Variants in CCDC30 observed in about 807,000 individuals in gnomAD.
The protein encoded by CCDC30 is coiled-coil domain containing 30.
CCDC30 carries 70 observed loss-of-function variants against 100.2 expected under a neutral mutation model. The observed-to-expected ratio is 0.70, with a 90% CI of 0.58 to 0.85. CCDC30 has a LOEUF of 0.85. CCDC30 is among the 40% of genes least tolerant of loss of function. The pLI is 0.00. For missense variants in CCDC30, 652 were observed against 771.2 expected (o/e 0.85, Z 1.83); for synonymous variants, 233 against 269.5 (o/e 0.86, Z 1.33).
intron 1 of CCDC30, among the ~76,000 whole-genome samples, chr1:42,476,022 A>AT (rs1412369925): frequency 6.6e-6 from 1 of 152,244 alleles, no homozygotes; most frequent in Non-Finnish European, 1.5e-5. Flanking sequence ...TCAATCTCTC[A>AT]TATACTGAAT....
chr1:42,525,743 G>A (rs78572734), intron 6 of CCDC30, among the ~76,000 whole-genome samples: 2 of 152,086 alleles, frequency 1.3e-5, no homozygotes, highest in Non-Finnish European at 2.9e-5. Flanking sequence ...TTTCTGGATT[G>A]TTTTTAAGCT....
chr1:42,463,090 C>T (rs1030016517), upstream of CCDC30, among the ~76,000 whole-genome samples: 2 of 152,248 alleles, frequency 1.3e-5, no homozygotes, highest in Non-Finnish European at 2.9e-5. Context: ...ACCATGGTTA[C>T]AGCTGTCTCC....
chr1:42,508,723 C>G (rs1237273820), intron 6 of CCDC30, among the ~76,000 whole-genome samples: 1 of 151,852 alleles, frequency 6.6e-6, no homozygotes, highest in Non-Finnish European at 1.5e-5. Flanking sequence ...CTGTTTTTCC[C>G]AAGAAGTCCC....
intron 11 of CCDC30, among the ~76,000 whole-genome samples, chr1:42,617,786 G>A (rs1183674997): frequency 6.6e-6 from 1 of 152,158 alleles, no homozygotes; most frequent in African/African-American, 2.4e-5. Flanking sequence ...AATATCTCAA[G>A]CACTGATCTC....
At chr1:42,606,870 A>G (rs1358423182) in intron 10 of CCDC30, among the ~76,000 whole-genome samples, 1 of 152,242 alleles carries the variant, frequency 6.6e-6, no homozygotes, top group Admixed American at 6.5e-5. Context: ...TGAATCCACC[A>G]TGAGGACCGT....
intron 6 of CCDC30, among the ~76,000 whole-genome samples, chr1:42,529,197 G>GTT (rs1285752804): frequency 6.6e-6 from 1 of 152,202 alleles, no homozygotes; most frequent in Non-Finnish European, 1.5e-5. Flanking sequence ...AAAATGAGTT[G>GTT]CTGCGGTGGC....
chr1:42,464,308 A>G (rs1557783207), intron 1 of CCDC30: 1 of 152,246 alleles, frequency 6.6e-6, no homozygotes, highest in Non-Finnish European at 1.5e-5. Context: ...TTTCAGGCTT[A>G]CATAATGAAA....
chr1:42,488,355 T>C (rs534374233), intron 3 of CCDC30, among the ~76,000 whole-genome samples: 3 of 152,290 alleles, frequency 2.0e-5, no homozygotes, highest in Non-Finnish European at 4.4e-5. Flanking sequence ...TTTCACTCTG[T>C]TGCCCAGATT....
intron 3 of CCDC30, chr1:42,489,853 A>G (rs767727764): frequency 2.8e-5 from 5 of 175,870 alleles, no homozygotes; most frequent in Non-Finnish European, 6.0e-5. Flanking sequence ...ATACCTAAAA[A>G]CTTTCAGCTT....
upstream of CCDC30, among the ~76,000 whole-genome samples, chr1:42,462,123 A>T (rs1267725716): frequency 7.0e-6 from 1 of 142,014 alleles, no homozygotes; most frequent in Non-Finnish European, 1.6e-5. Flanking sequence ...CTTAAAAACA[A>T]TCAGTGTTCT....
intron 11 of CCDC30, among the ~76,000 whole-genome samples, chr1:42,618,583 T>C (rs745982669): frequency 5.9e-5 from 9 of 152,094 alleles, no homozygotes; most frequent in Non-Finnish European, 7.3e-5. Context: ...GAAAGGAGAA[T>C]GAGAACAGTT....
At chr1:42,503,803 T>C (rs1403342864) in intron 6 of CCDC30, among the ~76,000 whole-genome samples, 4 of 152,328 alleles carry the variant, frequency 2.6e-5, no homozygotes, top group South Asian at 4.1e-4. Flanking sequence ...ACTATCTGCC[T>C]AAATAATTTC....
At chr1:42,645,801 A>G (rs1303119777) in intron 14 of CCDC30, among the ~76,000 whole-genome samples, 1 of 152,158 alleles carries the variant, frequency 6.6e-6, no homozygotes, top group Non-Finnish European at 1.5e-5. Context: ...TATTCATTCA[A>G]TGAATACTTA....
At chr1:42,575,517 G>A (rs1262797418) in intron 7 of CCDC30, among the ~76,000 whole-genome samples, 2 of 151,832 alleles carry the variant, frequency 1.3e-5, no homozygotes, top group Non-Finnish European at 2.9e-5. Context: ...GGGCATGGTG[G>A]CGGGTGCCTG....
chr1:42,483,001 C>A, intron 3 of CCDC30, 185 bp downstream of exon 3: 1 of 395,150 alleles, frequency 2.5e-6, no homozygotes, highest in Non-Finnish European at 4.4e-6. Flanking sequence ...AGCATATCTA[C>A]CAAAAGTGCA....
chr1:42,586,161 A>C (rs16829778), intron 9 of CCDC30, among the ~76,000 whole-genome samples: 5,990 of 152,330 alleles, frequency 0.039, 401 homozygotes, highest in African/African-American at 0.14. Flanking sequence ...TCAAGAAGCT[A>C]AATAGACAAT....
At chr1:42,471,222 A>T (rs1320828814) in intron 1 of CCDC30, among the ~76,000 whole-genome samples, 1 of 152,160 alleles carries the variant, frequency 6.6e-6, no homozygotes, top group East Asian at 1.9e-4. Context: ...ATCAGCAAGG[A>T]TCAGATCCAA....
At chr1:42,531,829 A>T (rs990664204) in intron 6 of CCDC30, among the ~76,000 whole-genome samples, 1 of 152,226 alleles carries the variant, frequency 6.6e-6, no homozygotes, top group Non-Finnish European at 1.5e-5. Flanking sequence ...AAACTAATAT[A>T]TGAGTCTCTT....
At chr1:42,479,089 TC>T (rs1643916982) in intron 1 of CCDC30, among the ~76,000 whole-genome samples, 1 of 152,100 alleles carries the variant, frequency 6.6e-6, no homozygotes, top group African/African-American at 2.4e-5. Flanking sequence ...GAAAATATAT[TC>T]TTGGGCTGGA....
Sources: allele counts gnomAD v4.1 joint callset (sites outside exome capture counted in the v4.1 genomes callset), GRCh38; gene constraint gnomAD v4.1.1; transcripts MANE v1.5; gene names NCBI Gene and HGNC (gene_info 2026-07-23, HGNC 2026-07-21).